The following RCAN1 variants were observed in gnomAD, a reference collection of about 807,000 sequenced individuals.
The protein encoded by RCAN1 is calcipressin-1.
Under a neutral mutation model 22.9 loss-of-function variants are expected in RCAN1, and 11 were observed. That is an observed-to-expected ratio of 0.48 (90% CI 0.30 to 0.79). The LOEUF (loss-of-function observed/expected upper bound fraction) is 0.79. Ranked by LOEUF, RCAN1 falls within the 30% of genes least tolerant of loss-of-function variation. The pLI is 0.06. For missense variants in RCAN1, 291 were observed against 337.8 expected, an observed-to-expected ratio of 0.86 and a Z score of 1.09; for synonymous variants, 136 against 142.3, an observed-to-expected ratio of 0.96 and a Z score of 0.32.
At chr21:34,602,925 C>T (rs1363391369) in intron 1 of RCAN1, among the ~76,000 whole-genome samples, 2 of 152,074 alleles carry the variant, frequency 1.3e-5, no homozygotes, top group Non-Finnish European at 2.9e-5. Context: ...AAAAGTCTCC[C>T]CTTCAGGTGA....
chr21:34,540,584 G>A (rs558008932), intron 1 of RCAN1, among the ~76,000 whole-genome samples: 2 of 152,266 alleles, frequency 1.3e-5, no homozygotes, highest in East Asian at 3.9e-4. Context: ...CAGAGACCCT[G>A]GAACCCTTAA....
intron 1 of RCAN1, among the ~76,000 whole-genome samples, chr21:34,605,374 T>C (rs140940887): frequency 1.3e-5 from 2 of 152,326 alleles, no homozygotes; most frequent in East Asian, 3.9e-4. Context: ...CACCTTGGGA[T>C]TGTGTGCGTC....
At chr21:34,544,275 C>A (rs1228886653) in intron 1 of RCAN1, among the ~76,000 whole-genome samples, 1 of 152,122 alleles carries the variant, frequency 6.6e-6, no homozygotes, top group Non-Finnish European at 1.5e-5. Flanking sequence ...TAAAAGGGAC[C>A]GGGTTCTTTC....
chr21:34,545,978 C>T (rs1455976270), intron 1 of RCAN1, among the ~76,000 whole-genome samples: 1 of 152,124 alleles, frequency 6.6e-6, no homozygotes, highest in Non-Finnish European at 1.5e-5. Context: ...TCAAACAGGT[C>T]CTAAGAAGAT....
chr21:34,614,722 G>A lies in RCAN1; in HGVS notation c.252+38C>T. ...CCGCCTCCTCGGGCAACAAGTGTCCGCCCTCCGCCCCGACGGCCCGCCCGG... is the reference window on the plus strand; with the variant it reads ...CCGCCTCCTCGGGCAACAAGTGTCCACCCTCCGCCCCGACGGCCCGCCCGG... On this transcript the variant is annotated intron_variant, in intron 1 of 3. Coordinates refer to ENST00000313806, the MANE Select transcript of RCAN1 (RefSeq NM_004414.7). This position sits in a 1 kb window ranked among gnomAD's most constrained non-coding sequence, Gnocchi z 6.0. 1.4e-6 allele frequency: 2 copies of A among 1,389,766 alleles called. No individual in the cohort carries two copies. Among genetic ancestry groups the A allele is most frequent in the Non-Finnish European group, 1.9e-6 (2 of 1,065,492 alleles). The allele number at this position is 1,389,766 out of a possible 1,614,324, so 86.1% of individuals were successfully genotyped here. A position where few individuals can be genotyped will look rare whatever the true frequency, so the allele number is the denominator to read the frequency against.
At chr21:34,527,319 A>AAAACCT (rs1985126713) in intron 1 of RCAN1, among the ~76,000 whole-genome samples, 1 of 121,552 alleles carries the variant, frequency 8.2e-6, no homozygotes, top group South Asian at 2.5e-4. Flanking sequence ...GAATTTCCTG[A>AAAACCT]AAACCTCAAT....
At chr21:34,563,743 A>G (rs1169971347) in intron 1 of RCAN1, among the ~76,000 whole-genome samples, 1 of 112,896 alleles carries the variant, frequency 8.9e-6, no homozygotes, top group East Asian at 2.1e-4. Context: ...ACCCATCTCT[A>G]CTAAAAATAC....
chr21:34,524,513 A>G (rs1984863314), intron 1 of RCAN1: 1 of 152,620 alleles, frequency 6.6e-6, no homozygotes, highest in Non-Finnish European at 1.5e-5. Flanking sequence ...AATTTGAAAA[A>G]AAGAAATACT....
At chr21:34,530,918 TG>T (rs1161731379) in intron 1 of RCAN1, among the ~76,000 whole-genome samples, 1 of 152,222 alleles carries the variant, frequency 6.6e-6, no homozygotes, top group African/African-American at 2.4e-5. Flanking sequence ...ACTTCACATG[TG>T]TAACCATTCC....
At chr21:34,605,589 T>G (rs1425252019) in intron 1 of RCAN1, among the ~76,000 whole-genome samples, 1 of 152,134 alleles carries the variant, frequency 6.6e-6, no homozygotes, top group African/African-American at 2.4e-5. Context: ...ATGTGAAAGA[T>G]ATATGAAAAA....
intron 1 of RCAN1, chr21:34,613,785 A>C: frequency 6.7e-7 from 1 of 1,503,730 alleles, no homozygotes; most frequent in South Asian, 1.3e-5. Context: ...AATGACACTT[A>C]CATACACCAT....
chr21:34,563,440 C>G (rs1484797511), intron 1 of RCAN1, among the ~76,000 whole-genome samples: 1 of 151,946 alleles, frequency 6.6e-6, no homozygotes, highest in Non-Finnish European at 1.5e-5. Context: ...CTGTTTATGA[C>G]AGAAAAAACA....
chr21:34,531,071 G>C (rs780702074), intron 1 of RCAN1, among the ~76,000 whole-genome samples: 3 of 152,162 alleles, frequency 2.0e-5, no homozygotes, highest in South Asian at 2.1e-4. Context: ...TAAGGAGAAG[G>C]TTCTTATTCT....
Position 34,589,867 on chromosome 21 carries a change from T to G in RCAN1, c.252+24893A>C, listed in dbSNP as rs527629760. Among the ~76,000 whole-genome samples, 14 of 152,336 alleles carry G rather than the reference T, an allele frequency of 9.2e-5. No individual in the cohort carries two copies. The East Asian group carries it at 2.7e-3, about 29-fold the overall frequency. ...AGTCTCCAGCCTGCAGATGGCAGACTGTGGGACTTCTCAGCCTCCATAATT... is the reference window on the plus strand; with the variant it reads ...AGTCTCCAGCCTGCAGATGGCAGACGGTGGGACTTCTCAGCCTCCATAATT... On this transcript the variant is annotated intron_variant, in intron 1 of 3. Coordinates refer to ENST00000313806, the MANE Select transcript of RCAN1 (RefSeq NM_004414.7).
At chr21:34,549,637 T>C (rs1986286047) in intron 1 of RCAN1, among the ~76,000 whole-genome samples, 1 of 152,140 alleles carries the variant, frequency 6.6e-6, no homozygotes, top group Non-Finnish European at 1.5e-5. Flanking sequence ...AAAACAAGGT[T>C]TAACTCTATC....
At chr21:34,525,748 T>C (rs1856489390) in intron 1 of RCAN1, 1 of 169,180 alleles carries the variant, frequency 5.9e-6, no homozygotes, top group African/African-American at 2.4e-5. Flanking sequence ...CTCTACTTCA[T>C]TTAAAAAATA....
At chr21:34,550,053 G>A (rs1191038395) in intron 1 of RCAN1, among the ~76,000 whole-genome samples, 3 of 152,204 alleles carry the variant, frequency 2.0e-5, no homozygotes, top group African/African-American at 7.2e-5. Context: ...CTGAGTGGCA[G>A]AGGCCCATTC....
intron 1 of RCAN1, among the ~76,000 whole-genome samples, chr21:34,590,459 T>C (rs1353725500): frequency 6.6e-6 from 1 of 152,252 alleles, no homozygotes; most frequent in African/African-American, 2.4e-5. Context: ...ATACTAACTT[T>C]ATTACTCTGA....
intron 1 of RCAN1, among the ~76,000 whole-genome samples, chr21:34,531,884 G>A (rs1985406364): frequency 6.6e-6 from 1 of 151,834 alleles, no homozygotes; most frequent in Admixed American, 6.6e-5. Context: ...CGTTCTCCAG[G>A]AAGCCAACAA....
Sources: gnomAD v4.1 joint callset for allele counts (sites outside exome capture counted in the v4.1 genomes callset) on GRCh38, gnomAD v4.1.1 for gene constraint, Gnocchi (gnomAD v3.1) non-coding constraint, MANE v1.5 for transcripts, NCBI Gene and HGNC (gene_info 2026-07-23, HGNC 2026-07-21) for gene names.